The following RYR3 variants were observed in gnomAD, a reference collection of about 807,000 sequenced individuals.
RYR3 encodes brain ryanodine receptor-calcium release channel.
RYR3 carries 207 observed loss-of-function variants against 584.3 expected under a neutral mutation model. The ratio of observed to expected loss-of-function variants is 0.35; its 90% confidence interval spans 0.32 to 0.40. The LOEUF (loss-of-function observed/expected upper bound fraction) is 0.40. RYR3 is among the 10% of genes least tolerant of loss of function. The probability of loss-of-function intolerance (pLI) is 1.00; values close to 1 mark genes in which losing one functional copy is unlikely to be tolerated. For synonymous variants in RYR3, 2,416 were observed against 2,248.5 expected, an observed-to-expected ratio of 1.07 and a Z score of -2.11; for missense variants, 5,616 against 6,089.2, an observed-to-expected ratio of 0.92 and a Z score of 2.59.
intron 60 of RYR3, among the ~76,000 whole-genome samples, chr15:33,762,876 G>A (rs1312787923): frequency 2.0e-5 from 3 of 152,150 alleles, no homozygotes; most frequent in Non-Finnish European, 4.4e-5. Context: ...TATGCTACAA[G>A]GCTACAGTAA....
chr15:33,854,625 C>G, intron 97 of RYR3, 141 bp from the exon 98 acceptor site: 1 of 1,168,754 alleles, frequency 8.6e-7, no homozygotes, highest in Non-Finnish European at 1.2e-6. Flanking sequence ...GCTCACTTAG[C>G]AGATCTTGGG....
intron 19 of RYR3, among the ~76,000 whole-genome samples, chr15:33,618,232 A>G (rs1344398718): frequency 6.6e-6 from 1 of 152,204 alleles, no homozygotes; most frequent in Non-Finnish European, 1.5e-5. Flanking sequence ...AACTCCCCAT[A>G]AATCTATTTA....
chr15:33,455,147 C>A (rs993748445), intron 1 of RYR3, among the ~76,000 whole-genome samples: 4 of 152,096 alleles, frequency 2.6e-5, no homozygotes, highest in Non-Finnish European at 5.9e-5. Context: ...TGGATGACTT[C>A]CAGGTCTCTC....
chr15:33,854,097 G>A (rs753482924), intron 96 of RYR3, among the ~76,000 whole-genome samples: 1 of 151,688 alleles, frequency 6.6e-6, no homozygotes, highest in East Asian at 1.9e-4. Flanking sequence ...TTGGGAGGCT[G>A]AGGCAGGAGA....
At position 33,736,263 on chromosome 15, in the gene RYR3, C is replaced by G. The variant is rs2069452147; in HGVS notation, c.7453C>G (p.Leu2485Val). ...CTTGAGGCCTTCCATGTTACAGCAA[C>G]TCCTGCGACGCCTCGTTTTTGATGT... is the stretch of plus-strand genomic sequence containing the variant. ...NHLRPSMLQQ[L>V]LRRLVFDVPQ... Residue 2485 changes from leucine (L) to valine (V), a missense_variant, in exon 49 of 104, where the codon CTC (leucine) becomes GTC (valine). Leu to Val is a conservative substitution (Grantham distance 32). Transcript: ENST00000634891. The G allele has an allele frequency of 6.2e-7, 1 of 1,613,254 alleles. No homozygotes were observed.
chr15:33,821,636 C>T (rs1232078416), intron 80 of RYR3, 34 bp downstream of exon 80: 12 of 1,597,376 alleles, frequency 7.5e-6, no homozygotes, highest in African/African-American at 2.7e-5. Flanking sequence ...GGCAGGCTCC[C>T]GGGGTATTCC....
intron 38 of RYR3, among the ~76,000 whole-genome samples, chr15:33,672,604 C>T (rs183316795): frequency 5.3e-4 from 81 of 152,268 alleles, no homozygotes; most frequent in African/African-American, 1.9e-3. Flanking sequence ...TTAACAACCA[C>T]CACCCCCATA....
chr15:33,818,523 C>T (rs1239387331), intron 75 of RYR3, 55 bp from the exon 76 acceptor site: 1 of 1,310,726 alleles, frequency 7.6e-7, no homozygotes, highest in African/African-American at 1.5e-5. Context: ...GCATGCCAGT[C>T]ACGTGGCACG....
Position 33,566,750 on chromosome 15 carries a change from G to T in RYR3, c.1219G>T (p.Ala407Ser), listed in dbSNP as rs1464971835. Residue 407 changes from alanine to serine, a missense_variant, in exon 12 of 104, where the codon GCT (alanine) becomes TCT (serine). Physicochemically the swap from Ala to Ser is moderately conservative, Grantham distance 99. Transcript: ENST00000634891. ...LQRCQREESQ[A>S]ARIIRNTTAL... ...GAGATGCCAGCGTGAGGAGTCCCAG[G>T]CTGCTCGGATCATCCGGAACACTAC... The T allele has an allele frequency of 3.1e-6, 5 of 1,613,648 alleles. No homozygotes were observed. Among genetic ancestry groups the T allele is most frequent in the Non-Finnish European group, 4.2e-6 (5 of 1,179,722 alleles).
intron 5 of RYR3, among the ~76,000 whole-genome samples, chr15:33,534,497 G>A (rs1164440730): frequency 6.6e-6 from 1 of 152,106 alleles, no homozygotes; most frequent in African/African-American, 2.4e-5. Flanking sequence ...CATATACTTT[G>A]GGAACCAATG....
intron 12 of RYR3, among the ~76,000 whole-genome samples, chr15:33,572,593 T>C (rs1398092801): frequency 6.7e-6 from 1 of 148,348 alleles, no homozygotes; most frequent in African/African-American, 2.5e-5. Flanking sequence ...ATCAACAGGC[T>C]GAAACACCAT....
At chr15:33,422,344 G>A (rs531294295) in intron 1 of RYR3, among the ~76,000 whole-genome samples, 3 of 152,256 alleles carry the variant, frequency 2.0e-5, no homozygotes, top group Admixed American at 6.5e-5. Flanking sequence ...GCTGGGCTTA[G>A]TCTCTTGCTC....
intron 3 of RYR3, among the ~76,000 whole-genome samples, chr15:33,522,753 T>C (rs980819570): frequency 2.0e-5 from 3 of 152,154 alleles, no homozygotes; most frequent in Non-Finnish European, 4.4e-5. Flanking sequence ...TTAGGATGGC[T>C]ACCTGTACTT....
intron 45 of RYR3, among the ~76,000 whole-genome samples, 179 bp from the exon 46 acceptor site, chr15:33,726,207 T>G (rs1011221677): frequency 1.3e-5 from 2 of 152,110 alleles, no homozygotes; most frequent in Admixed American, 6.5e-5. Flanking sequence ...AGCACTCTTC[T>G]GGAAAATCAA....
chr15:33,860,535 T>C (rs2153016244), intron 100 of RYR3, 60 bp from the exon 101 acceptor site: 1 of 982,736 alleles, frequency 1.0e-6, no homozygotes, highest in Non-Finnish European at 1.5e-6. Context: ...TCTTCCTTTA[T>C]CATTCCTCTA....
At chr15:33,821,765 G>A (rs992918239) in intron 80 of RYR3, among the ~76,000 whole-genome samples, 163 bp downstream of exon 80, 6 of 152,144 alleles carry the variant, frequency 3.9e-5, no homozygotes, top group South Asian at 2.1e-4. Flanking sequence ...AGCTGGGAAC[G>A]CAACATGGCT....
At chr15:33,379,689 A>G (rs78863236) in intron 1 of RYR3, among the ~76,000 whole-genome samples, 1 of 87,510 alleles carries the variant, frequency 1.1e-5, no homozygotes, top group East Asian at 2.5e-4. Context: ...CTCTCTCTCT[A>G]TATATATATA....
chr15:33,742,192 AT>A (rs2070212814), intron 51 of RYR3, among the ~76,000 whole-genome samples, 173 bp from the exon 52 acceptor site: 2 of 152,178 alleles, frequency 1.3e-5, no homozygotes, highest in Admixed American at 1.3e-4. Flanking sequence ...AACCCTGGCT[AT>A]GCCACCCCTA....
At chr15:33,846,954 G>A (rs562017386) in intron 93 of RYR3, 4 of 152,116 alleles carry the variant, frequency 2.6e-5, no homozygotes, top group Non-Finnish European at 5.9e-5. Flanking sequence ...CTGTGACCAG[G>A]AGAAACAAAA....
Sources: gnomAD v4.1 joint callset for allele counts (sites outside exome capture counted in the v4.1 genomes callset) on GRCh38, gnomAD v4.1.1 for gene constraint, MANE v1.5 for transcripts, NCBI Gene and HGNC (gene_info 2026-07-23, HGNC 2026-07-21) for gene names.